Variants in PARD3 observed in about 807,000 individuals in gnomAD.
PARD3 encodes the protein partitioning defective 3 homolog.
A neutral mutation model predicts 155.4 loss-of-function variants in PARD3; 75 were observed. The observed-to-expected ratio is 0.48, with a 90% CI of 0.40 to 0.58. The LOEUF is 0.58. Among genes scored for constraint, PARD3 ranks in the 20% least tolerant of loss-of-function variants. The pLI is 0.00. For missense variants in PARD3, 1,642 were observed against 1,721.7 expected (o/e 0.95, Z 0.82); for synonymous variants, 576 against 610.5 (o/e 0.94, Z 0.83).
chr10:34,777,758 C>T (rs752310201), intron 1 of PARD3, among the ~76,000 whole-genome samples: 7 of 151,674 alleles, frequency 4.6e-5, no homozygotes, highest in Non-Finnish European at 8.8e-5. Flanking sequence ...TCTTGAACTC[C>T]TGGGCTCAAA....
At chr10:34,565,850 TG>T (rs2134105920) in intron 2 of PARD3, among the ~76,000 whole-genome samples, 1 of 152,342 alleles carries the variant, frequency 6.6e-6, no homozygotes, top group Admixed American at 6.5e-5. Context: ...TGGTGATAAT[TG>T]GCTTTTCATA....
intron 2 of PARD3, among the ~76,000 whole-genome samples, chr10:34,689,264 C>A (rs970295881): frequency 1.7e-4 from 26 of 152,248 alleles, no homozygotes; most frequent in African/African-American, 6.3e-4. Context: ...GTCAGAGCCA[C>A]GGAAAAGAGC....
At chr10:34,178,294 C>T (rs563010377) in intron 22 of PARD3, among the ~76,000 whole-genome samples, 27 of 144,100 alleles carry the variant, frequency 1.9e-4, no homozygotes, top group Admixed American at 8.9e-4. Context: ...CCAATTTCAG[C>T]AAGCGGAAAC....
At chr10:34,484,995 A>G (rs985563973) in intron 3 of PARD3, among the ~76,000 whole-genome samples, 2 of 152,128 alleles carry the variant, frequency 1.3e-5, no homozygotes, top group African/African-American at 4.8e-5. Flanking sequence ...TCACTGTCAT[A>G]TCCACAGAGG....
At position 34,119,741 on chromosome 10, in the gene PARD3, C is replaced by T. The variant is rs762847537; in HGVS notation, c.3541-1G>A. On this transcript the variant is annotated splice_acceptor_variant, in intron 23 of 24. Coordinates refer to ENST00000374788, the MANE Select transcript of PARD3 (RefSeq NM_001184785.2). LOFTEE classifies it high-confidence loss of function. ...TCTGCGTCGCCGGCCGTGCGTTCGG[C>T]TGGAAGAGGAAAATACAAGCACATC... 8 of 1,609,760 alleles carry T rather than the reference C, an allele frequency of 5.0e-6. No individual in the cohort carries two copies. The highest frequency in any genetic ancestry group is 1.1e-5 in the South Asian group (1 of 90,806).
At chr10:34,111,833 T>C (rs1946399860) in intron 24 of PARD3, among the ~76,000 whole-genome samples, 2 of 152,172 alleles carry the variant, frequency 1.3e-5, no homozygotes, top group Non-Finnish European at 2.9e-5. Flanking sequence ...TCCTCCTGTG[T>C]CTGAGAAGGT....
At chr10:34,222,114 G>A (rs976791639) in intron 22 of PARD3, among the ~76,000 whole-genome samples, 4 of 152,162 alleles carry the variant, frequency 2.6e-5, no homozygotes, top group Admixed American at 6.5e-5. Flanking sequence ...TTTTCTTAGA[G>A]TAACATTCAA....
At chr10:34,811,556 C>A (rs763956380) in intron 1 of PARD3, among the ~76,000 whole-genome samples, 6 of 152,160 alleles carry the variant, frequency 3.9e-5, no homozygotes, top group Non-Finnish European at 5.9e-5. Flanking sequence ...CACACACACC[C>A]CATAATGATA....
Position 34,159,444 on chromosome 10 carries a change from C to T in PARD3, c.3420-27861G>A, listed in dbSNP as rs1490389155. ...CTTAGGATAACTACCCATTAAATCA[C>T]ATAGGTAGAAAGAAGGCCAAGTTTA... On this transcript the variant is annotated intron_variant, in intron 22 of 24. Coordinates refer to ENST00000374788, the MANE Select transcript of PARD3 (RefSeq NM_001184785.2). Among the ~76,000 whole-genome samples the T allele has an allele frequency of 2.6e-5, 4 of 152,198 alleles. No individual in the cohort carries two copies. The East Asian group carries it at 5.8e-4, about 22-fold the overall frequency.
intron 2 of PARD3, among the ~76,000 whole-genome samples, chr10:34,614,951 G>T (rs2091152137): frequency 6.6e-6 from 1 of 152,112 alleles, no homozygotes; most frequent in South Asian, 2.1e-4. Flanking sequence ...GGCCAAGACG[G>T]GTGGATCACA....
At chr10:34,353,137 A>AGCCCCC (rs1424572928) in intron 14 of PARD3, among the ~76,000 whole-genome samples, 9 of 151,810 alleles carry the variant, frequency 5.9e-5, no homozygotes, top group Non-Finnish European at 7.4e-5. Context: ...AGTGGGGGGC[A>AGCCCCC]GCCCCCGCCC....
At chr10:34,297,433 A>G (rs1956958649) in intron 20 of PARD3, among the ~76,000 whole-genome samples, 1 of 152,244 alleles carries the variant, frequency 6.6e-6, no homozygotes, top group Non-Finnish European at 1.5e-5. Flanking sequence ...AATAGCAAAG[A>G]TAAAATGCAA....
At position 34,591,794 on chromosome 10, in the gene PARD3, G is replaced by A. The variant is rs542519356; in HGVS notation, c.223-74635C>T. Among the ~76,000 whole-genome samples, 4 of 152,258 alleles carry A rather than the reference G, an allele frequency of 2.6e-5. No homozygotes were observed. In the East Asian group the frequency reaches 7.7e-4, roughly 29 times the overall value. On this transcript the variant is annotated intron_variant, in intron 2 of 24. Coordinates refer to ENST00000374788, the MANE Select transcript of PARD3 (RefSeq NM_001184785.2). ...ACAACTGGTGCAAGCTAAGCCGGGG[G>A]AGTTTCGATCAAGGTTAGGAGTTTC...
intron 20 of PARD3, among the ~76,000 whole-genome samples, chr10:34,302,652 T>C (rs1384926918): frequency 6.6e-6 from 1 of 152,214 alleles, no homozygotes; most frequent in Non-Finnish European, 1.5e-5. Flanking sequence ...TGCCCATACC[T>C]GTACACGAGG....
At chr10:34,399,218 A>G (rs903518136) in intron 7 of PARD3, 112 bp downstream of exon 7, 4 of 734,604 alleles carry the variant, frequency 5.4e-6, no homozygotes, top group Non-Finnish European at 9.7e-6. Context: ...CCTCCAAATG[A>G]GAATGTTTCC....
At chr10:34,634,568 CA>C (rs1196770383) in intron 2 of PARD3, among the ~76,000 whole-genome samples, 1 of 152,030 alleles carries the variant, frequency 6.6e-6, no homozygotes, top group Non-Finnish European at 1.5e-5. Flanking sequence ...AAACTGAAAG[CA>C]GGATAGGTAC....
intron 1 of PARD3, among the ~76,000 whole-genome samples, chr10:34,790,871 A>C (rs1397196520): frequency 6.6e-6 from 1 of 152,204 alleles, no homozygotes; most frequent in Non-Finnish European, 1.5e-5. Context: ...ATAAATTCCA[A>C]GCCTTTCCTG....
intron 19 of PARD3, among the ~76,000 whole-genome samples, chr10:34,319,417 C>A (rs1043638641): frequency 3.9e-5 from 6 of 152,138 alleles, no homozygotes; most frequent in African/African-American, 7.2e-5. Flanking sequence ...CGTTAGCCTT[C>A]CTCTGAACTG....
intron 22 of PARD3, among the ~76,000 whole-genome samples, chr10:34,174,784 T>G (rs1397273613): frequency 6.6e-6 from 1 of 152,232 alleles, no homozygotes; most frequent in Non-Finnish European, 1.5e-5. Flanking sequence ...AAATGTATAC[T>G]AGTAAACTAA....
Sources: gnomAD v4.1 joint callset for allele counts (sites outside exome capture counted in the v4.1 genomes callset) on GRCh38, gnomAD v4.1.1 for gene constraint, MANE v1.5 for transcripts, NCBI Gene and HGNC (gene_info 2026-07-23, HGNC 2026-07-21) for gene names.